Variants in MBNL1 observed in about 807,000 individuals in gnomAD.
MBNL1 encodes the protein muscleblind-like protein 1.
MBNL1 carries 8 observed loss-of-function variants against 42.2 expected under a neutral mutation model. The observed-to-expected ratio is 0.19, with a 90% CI of 0.11 to 0.34. The LOEUF (loss-of-function observed/expected upper bound fraction) is 0.34. Ranked by LOEUF, MBNL1 falls within the 10% of genes least tolerant of loss-of-function variation. The pLI is 1.00. For synonymous variants in MBNL1, 169 were observed against 173.9 expected (o/e 0.97, Z 0.22); for missense variants, 309 against 495.3 (o/e 0.62, Z 3.57).
chr3:152,379,185 A>G (rs193190220), intron 2 of MBNL1, among the ~76,000 whole-genome samples: 46 of 152,338 alleles, frequency 3.0e-4, no homozygotes, highest in Non-Finnish European at 6.0e-4. Context: ...GACATTTTTG[A>G]TAATTACCCT....
chr3:152,454,524 A>G (rs1230121694), intron 6 of MBNL1, among the ~76,000 whole-genome samples: 2 of 152,242 alleles, frequency 1.3e-5, no homozygotes, highest in African/African-American at 2.4e-5. Flanking sequence ...CATATGGGAA[A>G]GTGCCTTGTA....
chr3:152,436,926 A>T (rs974435739), intron 4 of MBNL1, among the ~76,000 whole-genome samples: 2 of 152,150 alleles, frequency 1.3e-5, no homozygotes, highest in African/African-American at 4.8e-5. Context: ...TGTTAACAGG[A>T]TCTGATCCAG....
upstream of MBNL1, chr3:152,263,660 G>A (rs2149529611): frequency 6.6e-6 from 1 of 152,230 alleles, no homozygotes; most frequent in South Asian, 2.1e-4. Flanking sequence ...TCTGAGATTA[G>A]ACTATCAGCC....
At chr3:152,276,125 G>A (rs1021593840) in intron 1 of MBNL1, among the ~76,000 whole-genome samples, 13 of 151,948 alleles carry the variant, frequency 8.6e-5, no homozygotes, top group Non-Finnish European at 1.3e-4. Flanking sequence ...TTTCATTTGC[G>A]GAGATATGAG....
upstream of MBNL1, chr3:152,243,786 A>C (rs2032241021): frequency 6.6e-6 from 1 of 152,140 alleles, no homozygotes; most frequent in Admixed American, 6.6e-5. Context: ...GCACTACTTA[A>C]TCAAGTATAG....
chr3:152,420,550 C>G (rs2098787222), intron 3 of MBNL1, among the ~76,000 whole-genome samples: 1 of 152,180 alleles, frequency 6.6e-6, no homozygotes, highest in Non-Finnish European at 1.5e-5. Context: ...GGAAAACTAA[C>G]AAACAGAAAG....
chr3:152,280,146 C>G (rs1355007682), intron 1 of MBNL1, among the ~76,000 whole-genome samples: 1 of 152,078 alleles, frequency 6.6e-6, no homozygotes, highest in Non-Finnish European at 1.5e-5. Context: ...ATGCTATACC[C>G]TTTGGAGGAA....
intron 4 of MBNL1, among the ~76,000 whole-genome samples, chr3:152,444,369 AAAAC>A (rs1340386511): frequency 8.5e-5 from 13 of 152,176 alleles, no homozygotes; most frequent in Non-Finnish European, 1.5e-4. Context: ...TAGCAAATAT[AAAAC>A]AAACAGACAT....
intron 1 of MBNL1, among the ~76,000 whole-genome samples, chr3:152,280,523 C>CA (rs2047832918): frequency 6.6e-6 from 1 of 152,106 alleles, no homozygotes; most frequent in Admixed American, 6.6e-5. Context: ...AAGGTGGGCA[C>CA]ATACGGTTCA....
chr3:152,453,894 AT>A (rs746322113), intron 6 of MBNL1, among the ~76,000 whole-genome samples: 3 of 152,224 alleles, frequency 2.0e-5, no homozygotes, highest in Non-Finnish European at 4.4e-5. Context: ...ATTGAAAAAT[AT>A]AACCTGTACA....
At chr3:152,327,179 A>G (rs2080929393) in intron 2 of MBNL1, among the ~76,000 whole-genome samples, 1 of 152,052 alleles carries the variant, frequency 6.6e-6, no homozygotes, top group Non-Finnish European at 1.5e-5. Context: ...TTCCTATGGT[A>G]ATATTATCAA....
intron 2 of MBNL1, among the ~76,000 whole-genome samples, chr3:152,365,443 T>G (rs1041068785): frequency 6.6e-6 from 1 of 152,122 alleles, no homozygotes; most frequent in Non-Finnish European, 1.5e-5. Context: ...CTGTCTAAAG[T>G]CTCAAAGACT....
intron 2 of MBNL1, among the ~76,000 whole-genome samples, chr3:152,410,182 T>C (rs1281507464): frequency 6.6e-6 from 1 of 152,130 alleles, no homozygotes; most frequent in South Asian, 2.1e-4. Context: ...GTAATGTTTA[T>C]AAATGAATCA....
intron 2 of MBNL1, among the ~76,000 whole-genome samples, chr3:152,319,016 A>G (rs1414449890): frequency 6.6e-6 from 1 of 152,126 alleles, no homozygotes; most frequent in Non-Finnish European, 1.5e-5. Context: ...TTGGAAAAAA[A>G]TTGAGATTCA....
At chr3:152,390,921 G>A (rs1005390833) in intron 2 of MBNL1, among the ~76,000 whole-genome samples, 1 of 152,200 alleles carries the variant, frequency 6.6e-6, no homozygotes, top group African/African-American at 2.4e-5. Context: ...GTGCAGTGAT[G>A]TGAGAGCGAG....
At chr3:152,433,705 G>A (rs938232964) in intron 4 of MBNL1, among the ~76,000 whole-genome samples, 3 of 147,930 alleles carry the variant, frequency 2.0e-5, no homozygotes, top group Admixed American at 6.8e-5. Flanking sequence ...AGCCGAGATC[G>A]CGCCACTGCA....
At chr3:152,374,499 T>C (rs886318845) in intron 2 of MBNL1, among the ~76,000 whole-genome samples, 1 of 152,174 alleles carries the variant, frequency 6.6e-6, no homozygotes, top group Non-Finnish European at 1.5e-5. Context: ...CACTGCAGTG[T>C]CTTAAACCCA....
At chr3:152,338,449 C>T in intron 2 of MBNL1, 1 of 985,358 alleles carries the variant, frequency 1.0e-6, no homozygotes, top group Non-Finnish European at 1.2e-6. Context: ...ACCATGTTGC[C>T]CTCTACACTT....
intron 2 of MBNL1, among the ~76,000 whole-genome samples, chr3:152,402,154 A>G (rs2098253151): frequency 6.6e-6 from 1 of 152,132 alleles, no homozygotes; most frequent in Non-Finnish European, 1.5e-5. Context: ...GGAGAAAAGG[A>G]TGCTTTCAAG....
Sources: allele counts gnomAD v4.1 joint callset (sites outside exome capture counted in the v4.1 genomes callset), GRCh38; gene constraint gnomAD v4.1.1; transcripts MANE v1.5; gene names NCBI Gene and HGNC (gene_info 2026-07-23, HGNC 2026-07-21).